The following FOXK2 variants were observed in gnomAD, a reference collection of about 807,000 sequenced individuals.
The protein encoded by FOXK2 is forkhead box K2.
FOXK2 carries 24 observed loss-of-function variants against 53.3 expected under a neutral mutation model. The observed-to-expected ratio is 0.45, with a 90% CI of 0.33 to 0.63. The LOEUF is 0.63. FOXK2 is among the 30% of genes least tolerant of loss of function. The pLI, the probability that FOXK2 is intolerant of heterozygous loss-of-function variation, is 0.03. For synonymous variants in FOXK2, 505 were observed against 407.1 expected, an observed-to-expected ratio of 1.24 and a Z score of -2.89; for missense variants, 952 against 910.5, an observed-to-expected ratio of 1.05 and a Z score of -0.59.
rs570327744 is a variant in FOXK2, at chr17:82,526,891, C to T, written c.419+6584C>T. 3.3e-5 allele frequency among the ~76,000 whole-genome samples: 5 copies of T among 150,880 alleles called. No homozygotes were observed. The South Asian group carries it at 8.4e-4, about 25-fold the overall frequency. On this transcript the variant is annotated intron_variant, in intron 1 of 8. Coordinates refer to ENST00000335255, the MANE Select transcript of FOXK2 (RefSeq NM_004514.4). ...CCTGGTCAGCTCTTTGCCGAGTAGACAGCAGACGATGTCTGAAGGAGGACA... is the reference window on the plus strand; with the variant it reads ...CCTGGTCAGCTCTTTGCCGAGTAGATAGCAGACGATGTCTGAAGGAGGACA...
intron 1 of FOXK2, among the ~76,000 whole-genome samples, chr17:82,558,235 G>A (rs2144105496): frequency 6.6e-6 from 1 of 151,984 alleles, no homozygotes; most frequent in South Asian, 2.1e-4. Context: ...AGCTGCTCGA[G>A]GCTGAGACAG....
chr17:82,553,212 A>G (rs2044693626), intron 1 of FOXK2, among the ~76,000 whole-genome samples: 1 of 152,274 alleles, frequency 6.6e-6, no homozygotes, highest in African/African-American at 2.4e-5. Context: ...CTGGGATTAC[A>G]GGCGTGAGCC....
chr17:82,556,583 G>T (rs2044727560), intron 1 of FOXK2, among the ~76,000 whole-genome samples: 1 of 151,826 alleles, frequency 6.6e-6, no homozygotes, highest in Non-Finnish European at 1.5e-5. Context: ...TGGGGCTGGG[G>T]CTGGGGCTGG....
At chr17:82,547,288 T>A (rs2044635823) in intron 1 of FOXK2, among the ~76,000 whole-genome samples, 1 of 152,184 alleles carries the variant, frequency 6.6e-6, no homozygotes. Context: ...ATACTTTACA[T>A]TCAGGGTGTC....
chr17:82,554,712 T>G (rs1599894777), intron 1 of FOXK2, among the ~76,000 whole-genome samples: 2 of 151,966 alleles, frequency 1.3e-5, no homozygotes, highest in South Asian at 4.2e-4. Flanking sequence ...CTGAGCTTCA[T>G]TACAAATCTT....
chr17:82,539,373 G>T (rs1335046437), intron 1 of FOXK2, among the ~76,000 whole-genome samples: 1 of 152,112 alleles, frequency 6.6e-6, no homozygotes, highest in Non-Finnish European at 1.5e-5. Context: ...GTGGCTGGGC[G>T]TGGTGGCTCA....
In FOXK2 at chr17:82,592,292, G is replaced by A. The variant is rs139930957; in HGVS notation, c.1786+5020G>A. ...TCAGTGTGCTCCTGGGCTGAGCTGCGGTCCTGGAGCATCTCTTGGCTCACA... is the reference window on the plus strand; with the variant it reads ...TCAGTGTGCTCCTGGGCTGAGCTGCAGTCCTGGAGCATCTCTTGGCTCACA... On this transcript the variant is annotated intron_variant, in intron 8 of 8. Coordinates refer to ENST00000335255, the MANE Select transcript of FOXK2 (RefSeq NM_004514.4). Among the ~76,000 whole-genome samples the A allele has an allele frequency of 3.1e-3, 469 of 152,318 alleles. 2 individuals are homozygous for A. Among genetic ancestry groups the A allele is most frequent in the African/African-American group, 0.011 (447 of 41,566 alleles).
intron 1 of FOXK2, among the ~76,000 whole-genome samples, chr17:82,526,748 T>C (rs2144042857): frequency 6.6e-6 from 1 of 150,946 alleles, no homozygotes; most frequent in Middle Eastern, 3.4e-3. Flanking sequence ...GAGAATGGCA[T>C]GAACCCAGGA....
Position 82,534,589 on chromosome 17 carries a change from C to T in FOXK2, c.419+14282C>T, listed in dbSNP as rs114290359. ...TTAGCAGAGCTCTGGAGGAGACCCT[C>T]CTGGGACTGCGCTACTGGAGCACAT... is the stretch of plus-strand genomic sequence containing the variant. On this transcript the variant is annotated intron_variant, in intron 1 of 8. Coordinates refer to ENST00000335255, the MANE Select transcript of FOXK2 (RefSeq NM_004514.4). Among the ~76,000 whole-genome samples the T allele has an allele frequency of 2.2e-3, 339 of 152,282 alleles. 2 individuals are homozygous for T. Among genetic ancestry groups the T allele is most frequent in the African/African-American group, 6.8e-3 (282 of 41,562 alleles).
intron 4 of FOXK2, chr17:82,577,346 G>A: frequency 1.4e-6 from 1 of 721,736 alleles, no homozygotes; most frequent in Non-Finnish European, 2.4e-6. Flanking sequence ...TTCATCAGAG[G>A]TGGAGGAGAA....
chr17:82,554,869 C>T (rs147435119), intron 1 of FOXK2, among the ~76,000 whole-genome samples: 1,523 of 152,236 alleles, frequency 0.01, 18 homozygotes, highest in African/African-American at 0.035. Context: ...CCTCAGCCTC[C>T]CAAGTAGCTG....
chr17:82,520,711 C>T (rs187036762), intron 1 of FOXK2, among the ~76,000 whole-genome samples: 133 of 152,318 alleles, frequency 8.7e-4, no homozygotes, highest in African/African-American at 3.1e-3. Context: ...AAATCTATGT[C>T]TCTTAACCGA....
intron 1 of FOXK2, among the ~76,000 whole-genome samples, chr17:82,554,775 C>T (rs1214769096): frequency 2.7e-5 from 4 of 149,606 alleles, no homozygotes; most frequent in Admixed American, 6.7e-5. Flanking sequence ...GACAGAGTCT[C>T]GCTCTGTCGC....
intron 8 of FOXK2, 90 bp downstream of exon 8, chr17:82,587,362 A>G (rs3794717): frequency 0.3 from 291,867 of 985,274 alleles, 44,886 homozygotes; most frequent in East Asian, 0.35. Flanking sequence ...GACTGTAACA[A>G]TTTTAGCTTT....
intron 7 of FOXK2, among the ~76,000 whole-genome samples, chr17:82,586,629 C>T (rs550892789): frequency 6.6e-6 from 1 of 152,102 alleles, no homozygotes; most frequent in African/African-American, 2.4e-5. Flanking sequence ...TGGCCAGGTA[C>T]AGTGGCTCAC....
chr17:82,573,556 T>TCACA (rs1306989038), intron 4 of FOXK2, among the ~76,000 whole-genome samples: 5 of 116,454 alleles, frequency 4.3e-5, no homozygotes, highest in African/African-American at 1.2e-4. Flanking sequence ...TCTCTCTCTC[T>TCACA]CTCTCTCACA....
intron 8 of FOXK2, among the ~76,000 whole-genome samples, chr17:82,597,134 C>T (rs1226902141): frequency 2.0e-5 from 3 of 152,242 alleles, no homozygotes; most frequent in East Asian, 1.9e-4. Flanking sequence ...ACACAGGTCA[C>T]GTGGGCCCGA....
rs1000382189 is a variant in FOXK2, at chr17:82,597,657, C to CT, written c.1787-3636dup. 2.9e-3 allele frequency among the ~76,000 whole-genome samples: 435 copies of CT among 149,592 alleles called. 2 individuals carry two copies. The highest frequency in any genetic ancestry group is 9.2e-3 in the African/African-American group (375 of 40,870). ...TTAAGTGTCACCATTTCTTTTCTTTCTTTTTTTTTTGAGACAGAGTTTTGC... is the reference window on the plus strand; with the variant it reads ...TTAAGTGTCACCATTTCTTTTCTTTCTTTTTTTTTTTGAGACAGAGTTTTGC... On this transcript the variant is annotated intron_variant, in intron 8 of 8. Coordinates refer to ENST00000335255, the MANE Select transcript of FOXK2 (RefSeq NM_004514.4).
intron 1 of FOXK2, among the ~76,000 whole-genome samples, chr17:82,536,957 C>T (rs1411579071): frequency 6.6e-6 from 1 of 152,160 alleles, no homozygotes; most frequent in Admixed American, 6.6e-5. Flanking sequence ...CAGTCAGACT[C>T]CAGACACATT....
Sources: gnomAD v4.1 joint callset for allele counts (sites outside exome capture counted in the v4.1 genomes callset) on GRCh38, gnomAD v4.1.1 for gene constraint, MANE v1.5 for transcripts, NCBI Gene and HGNC (gene_info 2026-07-23, HGNC 2026-07-21) for gene names.